ARID1B: variants seen among roughly 807,000 people sequenced by gnomAD.
The protein encoded by ARID1B is AT-rich interaction domain 1B.
A neutral mutation model predicts 212.3 loss-of-function variants in ARID1B; 30 were observed. The observed-to-expected ratio is 0.14, with a 90% CI of 0.11 to 0.19. The LOEUF (loss-of-function observed/expected upper bound fraction) is 0.19. ARID1B is among the 10% of genes least tolerant of loss of function. The probability of loss-of-function intolerance (pLI) is 1.00; values close to 1 mark genes in which losing one functional copy is unlikely to be tolerated. For missense variants in ARID1B, 2,891 were observed against 3,204.0 expected (o/e 0.90, Z 2.36); for synonymous variants, 1,402 against 1,301.7 (o/e 1.08, Z -1.66).
At position 157,039,731 on chromosome 6, in the gene ARID1B, C is replaced by T. The variant is rs1308618994; in HGVS notation, c.2248-44931C>T. Among the ~76,000 whole-genome samples, 3 of 58,614 alleles carry T rather than the reference C, an allele frequency of 5.1e-5. 1 individual carries two copies. The highest frequency in any genetic ancestry group is 3.2e-5 in the Non-Finnish European group (1 of 31,248). 38.5% of individuals were successfully genotyped at this position (58,614 alleles called of 152,430 possible). ...CTTTCTTTCCTTCCTTTCTTTCTTT[C>T]CCTCCCTCCCTCCCTTCCTTCCTTC... On this transcript the variant is annotated intron_variant, in intron 4 of 19. Transcript: ENST00000636930.
rs1562345572 is a variant in ARID1B, at chr6:157,200,943, G to C, written c.4718G>C (p.Gly1573Ala). Reference protein sequence around the residue: ...THGIPPQMMGGPLQSSSSEGP... With the variant: ...THGIPPQMMGAPLQSSSSEGP... The stretch of plus-strand genomic sequence containing the variant: ...GGAATCCCGCCTCAGATGATGGGCG[G>C]CCCGCTGCAGTCGTCCTCCAGTGAG... Residue 1573 changes from glycine (G) to alanine (A), a missense_variant, in exon 18 of 20, where the codon GGC becomes GCC. Gly to Ala is a moderately conservative substitution (Grantham distance 60). Transcript: ENST00000636930. The surrounding 1 kb of genome is among the most constrained non-coding windows in gnomAD (Gnocchi z 4.3). 1 of 1,613,950 alleles carries C rather than the reference G, an allele frequency of 6.2e-7. No individual in the cohort carries two copies.
At chr6:157,134,230 C>T (rs529862919) in intron 7 of ARID1B, among the ~76,000 whole-genome samples, 2 of 152,284 alleles carry the variant, frequency 1.3e-5, no homozygotes, top group African/African-American at 4.8e-5. Flanking sequence ...ACCTTTTTAC[C>T]TGCTGGTTCT....
intron 1 of ARID1B, among the ~76,000 whole-genome samples, chr6:156,809,820 C>T (rs768916165): frequency 2.6e-5 from 4 of 151,474 alleles, no homozygotes; most frequent in East Asian, 1.9e-4. Flanking sequence ...GAAAGTGGAG[C>T]GGGCCTTGGT....
At chr6:157,075,923 G>T (rs953713106) in intron 4 of ARID1B, among the ~76,000 whole-genome samples, 4 of 152,220 alleles carry the variant, frequency 2.6e-5, no homozygotes, top group African/African-American at 9.7e-5. Flanking sequence ...TTGTAACATG[G>T]ATGGTGGGTT....
In ARID1B at chr6:157,040,186, C is replaced by T. The variant is rs139421951; in HGVS notation, c.2248-44476C>T. On this transcript the variant is annotated intron_variant, in intron 4 of 19. Coordinates refer to ENST00000636930, the MANE Select transcript of ARID1B (RefSeq NM_001374828.1). ...ATCTCTTGACCTTGTGATCTGCCCGCCTCGGCCTCCCAAAGTGCTGGGATT... is the reference window on the plus strand; with the variant it reads ...ATCTCTTGACCTTGTGATCTGCCCGTCTCGGCCTCCCAAAGTGCTGGGATT... Among the ~76,000 whole-genome samples the T allele has an allele frequency of 6.0e-3, 920 of 152,326 alleles. 9 individuals carry two copies. Among genetic ancestry groups the T allele is most frequent in the African/African-American group, 0.021 (880 of 41,578 alleles).
chr6:156,814,238 A>G (rs535584990), intron 1 of ARID1B, among the ~76,000 whole-genome samples: 1 of 152,156 alleles, frequency 6.6e-6, no homozygotes, highest in Admixed American at 6.5e-5. Flanking sequence ...CAACATGGCA[A>G]GACCCCGTCT....
chr6:157,167,296 A>G, intron 9 of ARID1B, 111 bp downstream of exon 9: 1 of 1,347,328 alleles, frequency 7.4e-7, no homozygotes, highest in African/African-American at 1.5e-5. Context: ...AGTTGGCGAA[A>G]GTGGGAATCA....
chr6:156,945,805 T>C (rs985686408), intron 4 of ARID1B, among the ~76,000 whole-genome samples: 5 of 152,126 alleles, frequency 3.3e-5, no homozygotes, highest in African/African-American at 1.2e-4. Flanking sequence ...CCTAGGAGCT[T>C]GAGACCGGCC....
chr6:157,184,234 A>C lies in ARID1B; in HGVS notation c.3718A>C (p.Asn1240His). Residue 1240 changes from asparagine (N) to histidine (H), a missense_variant, in exon 13 of 20, where the codon AAT (asparagine) becomes CAT (histidine). By Grantham distance (68) the Asn-to-His change is moderately conservative. This residue lies in a region of ARID1B where 666 missense variants were observed against 873.5 expected (regional missense o/e 0.76). Coordinates refer to ENST00000636930, the MANE Select transcript of ARID1B (RefSeq NM_001374828.1). ...ATCCTGCCGTGTTTTTCACTAGGTT[A>C]ATAAAAACAAGAAGTGGCGTGAGCT... ...VKEIGGLAQV[N>H]KNKKWRELAT... 1.2e-6 allele frequency: 2 copies of C among 1,602,976 alleles called. No homozygotes were observed. Among genetic ancestry groups the C allele is most frequent in the Non-Finnish European group, 1.7e-6 (2 of 1,172,506 alleles).
chr6:156,806,260 A>G (rs1781148236), intron 1 of ARID1B, among the ~76,000 whole-genome samples: 1 of 152,196 alleles, frequency 6.6e-6, no homozygotes, highest in Non-Finnish European at 1.5e-5. Context: ...TTTAAATAAA[A>G]AAAGCAAAGG....
intron 4 of ARID1B, among the ~76,000 whole-genome samples, chr6:156,997,218 G>A (rs12661757): frequency 0.027 from 4,067 of 152,208 alleles, 258 homozygotes; most frequent in East Asian, 0.25. Flanking sequence ...ACATGATGTT[G>A]TTCCTCTTTG....
At chr6:156,954,997 G>T (rs188307082) in intron 4 of ARID1B, among the ~76,000 whole-genome samples, 38 of 152,342 alleles carry the variant, frequency 2.5e-4, no homozygotes, top group African/African-American at 9.1e-4. Context: ...GCCGTGTATC[G>T]GAGGCGTCAG....
At chr6:157,154,704 G>A (rs540210101) in intron 8 of ARID1B, among the ~76,000 whole-genome samples, 1 of 145,280 alleles carries the variant, frequency 6.9e-6, no homozygotes, top group African/African-American at 2.6e-5. Context: ...TCAGCCTCCC[G>A]AGTAGCTGGG....
At chr6:157,077,876 G>A (rs566727525) in intron 4 of ARID1B, among the ~76,000 whole-genome samples, 1 of 152,168 alleles carries the variant, frequency 6.6e-6, no homozygotes, top group African/African-American at 2.4e-5. Context: ...ACAAAACTTA[G>A]ATAGGGCTTG....
chr6:156,903,850 C>A (rs1247844383), intron 3 of ARID1B, among the ~76,000 whole-genome samples: 3 of 152,172 alleles, frequency 2.0e-5, no homozygotes, highest in African/African-American at 7.2e-5. Context: ...TAATCTCTTG[C>A]TTTTGTATAA....
chr6:157,122,856 A>AT (rs2128554028), intron 6 of ARID1B, among the ~76,000 whole-genome samples: 1 of 152,054 alleles, frequency 6.6e-6, no homozygotes, highest in South Asian at 2.1e-4. Context: ...CTTTTTTGGT[A>AT]TTTTTAGTAG....
At chr6:157,051,856 C>G (rs962723928) in intron 4 of ARID1B, among the ~76,000 whole-genome samples, 13 of 152,168 alleles carry the variant, frequency 8.5e-5, no homozygotes, top group African/African-American at 2.7e-4. Flanking sequence ...CATGTTGTTT[C>G]TTTTGTCACA....
chr6:157,158,587 T>A (rs1038214148), intron 8 of ARID1B, among the ~76,000 whole-genome samples: 24 of 152,326 alleles, frequency 1.6e-4, no homozygotes, highest in African/African-American at 5.3e-4. Flanking sequence ...ACTCTGAGTA[T>A]TGCTGGGCTG....
intron 2 of ARID1B, among the ~76,000 whole-genome samples, chr6:156,833,558 A>C (rs1487904755): frequency 6.6e-6 from 1 of 152,220 alleles, no homozygotes; most frequent in Non-Finnish European, 1.5e-5. Context: ...AAGCAAAATG[A>C]GAGATTGAAG....
Sources: allele counts gnomAD v4.1 joint callset (sites outside exome capture counted in the v4.1 genomes callset), GRCh38; gene constraint gnomAD v4.1.1; regional missense constraint gnomAD v4.1.1; non-coding constraint Gnocchi (gnomAD v3.1); transcripts MANE v1.5; gene names NCBI Gene and HGNC (gene_info 2026-07-23, HGNC 2026-07-21).